Variants in C19orf18 observed in about 807,000 individuals in gnomAD.
C19orf18 encodes uncharacterized protein C19orf18.
A neutral mutation model predicts 23.3 loss-of-function variants in C19orf18; 21 were observed. The observed-to-expected ratio is 0.90, with a 90% CI of 0.64 to 1.30. The LOEUF is 1.30. Ranked by LOEUF, C19orf18 falls within the 50% of genes most tolerant of loss-of-function variation. The pLI is 0.00. For synonymous variants in C19orf18, 96 were observed against 95.2 expected, an observed-to-expected ratio of 1.01 and a Z score of -0.05; for missense variants, 249 against 259.6, an observed-to-expected ratio of 0.96 and a Z score of 0.28.
At chr19:57,966,381 T>A in intron 4 of C19orf18, 149 bp downstream of exon 4, 1 of 563,494 alleles carries the variant, frequency 1.8e-6, no homozygotes, top group South Asian at 2.5e-5. Context: ...ACAATCCACA[T>A]GTTGAAAAAC....
At chr19:57,964,367 C>T (rs918934473) in intron 4 of C19orf18, among the ~76,000 whole-genome samples, 2 of 152,208 alleles carry the variant, frequency 1.3e-5, no homozygotes, top group Non-Finnish European at 2.9e-5. Flanking sequence ...CTACAACTTC[C>T]ACCTCCAGGG....
In C19orf18 at chr19:57,966,553, C is replaced by T; in HGVS notation, c.348G>A (p.Gly116=). 1 of 1,610,320 alleles carries T rather than the reference C, an allele frequency of 6.2e-7. No homozygotes were observed. Residue 116 remains glycine, a synonymous_variant, in exon 4 of 6, where the codon GGG becomes GGA. Coordinates refer to ENST00000314391, the MANE Select transcript of C19orf18 (RefSeq NM_152474.5). ...ACTATATCATATAGGAGATTGCCAT[C>T]CCACATATCAGGGCAATGCTGAAGG... The part of the protein sequence containing the change: ...SVAFSIALIC[G]MAISYMIYRL...
At chr19:57,966,844 CA>C (rs1268464642) in intron 3 of C19orf18, among the ~76,000 whole-genome samples, 4 of 151,856 alleles carry the variant, frequency 2.6e-5, no homozygotes, top group Admixed American at 6.6e-5. Context: ...GATCACAGCT[CA>C]CCGCAACTTT....
At chr19:57,971,589 G>A (rs1441525480) in intron 3 of C19orf18, among the ~76,000 whole-genome samples, 1 of 152,146 alleles carries the variant, frequency 6.6e-6, no homozygotes, top group East Asian at 1.9e-4. Flanking sequence ...TCCCGCCTCA[G>A]CCTCCCAAAT....
chr19:57,958,615 A>G lies in C19orf18; in HGVS notation c.635T>C (p.Met212Thr). 6.2e-7 allele frequency: 1 copy of G among 1,602,864 alleles called. No homozygotes were observed. Among genetic ancestry groups the G allele is most frequent in the Non-Finnish European group, 8.5e-7 (1 of 1,173,992 alleles). The change falls in exon 6 of 6, where the codon ATG becomes ACG. Residue 212 changes from methionine to threonine, a missense_variant. Transcript: ENST00000314391. ...KTKNASHNGKMEDL is the reference protein window; with the variant it reads ...KTKNASHNGKTEDL ...TGTCGTCTGCGTTCACAAGTCTTCCATTTTTCCATTATGTGACGCATTCTT... is the reference window on the plus strand; with the variant it reads ...TGTCGTCTGCGTTCACAAGTCTTCCGTTTTTCCATTATGTGACGCATTCTT...
chr19:57,964,443 G>A (rs901992082), intron 4 of C19orf18, among the ~76,000 whole-genome samples: 4 of 152,022 alleles, frequency 2.6e-5, no homozygotes, highest in Non-Finnish European at 1.5e-5. Flanking sequence ...TACCACACCT[G>A]GCTAATTTTT....
Position 57,972,575 on chromosome 19 carries a change from G to A in C19orf18, c.227-71C>T, listed in dbSNP as rs891961542. On this transcript the variant is annotated intron_variant, in intron 2 of 5. Transcript: ENST00000314391. ...GTTTAAGATGAACTTGGGAAAACAA[G>A]GAAATAACTTAGCATTAGAGAAGGA... 4.5e-6 allele frequency: 7 copies of A among 1,545,912 alleles called. No homozygotes were observed. In the African/African-American group the frequency reaches 6.9e-5, roughly 15 times the overall value.
chr19:57,970,129 A>T (rs2072935172), intron 3 of C19orf18, among the ~76,000 whole-genome samples: 1 of 152,224 alleles, frequency 6.6e-6, no homozygotes, highest in African/African-American at 2.4e-5. Context: ...TGGAACTTTG[A>T]ACTACTCTGA....
At chr19:57,963,731 CA>C (rs920692006) in intron 4 of C19orf18, among the ~76,000 whole-genome samples, 9 of 150,482 alleles carry the variant, frequency 6.0e-5, no homozygotes, top group African/African-American at 1.9e-4. Context: ...AATAAAAATA[CA>C]AAAAAAAATT....
chr19:57,971,498 C>A (rs1463691608), intron 3 of C19orf18, among the ~76,000 whole-genome samples: 2 of 152,072 alleles, frequency 1.3e-5, no homozygotes, highest in South Asian at 2.1e-4. Context: ...AAAAAGACAG[C>A]CTCGCTCTGT....
intron 5 of C19orf18, 112 bp downstream of exon 5, chr19:57,961,279 G>T: frequency 1.0e-5 from 11 of 1,072,678 alleles, no homozygotes; most frequent in Non-Finnish European, 1.5e-5. Flanking sequence ...AGAAAGAAAG[G>T]AAAGAAAGAA....
intron 3 of C19orf18, among the ~76,000 whole-genome samples, chr19:57,971,634 C>T (rs1451760770): frequency 6.6e-6 from 1 of 152,124 alleles, no homozygotes; most frequent in Non-Finnish European, 1.5e-5. Context: ...CCACTCCTGG[C>T]TAATTTTTGT....
In C19orf18 at chr19:57,958,600, G is replaced by T; in HGVS notation, c.*2C>A. ...CTCAGCCGGCACCTCTGTCGTCTGC[G>T]TTCACAAGTCTTCCATTTTTCCATT... On this transcript the variant is annotated 3_prime_UTR_variant, in exon 6 of 6. Transcript: ENST00000314391. The T allele has an allele frequency of 6.3e-7, 1 of 1,585,094 alleles. No individual in the cohort carries two copies. Among genetic ancestry groups the T allele is most frequent in the Non-Finnish European group, 8.6e-7 (1 of 1,160,164 alleles).
intron 4 of C19orf18, among the ~76,000 whole-genome samples, chr19:57,963,108 C>T (rs999427700): frequency 7.3e-5 from 11 of 150,280 alleles, no homozygotes; most frequent in Non-Finnish European, 1.3e-4. Flanking sequence ...CTCACCACAA[C>T]CTCCACCTCC....
chr19:57,966,615 G>T lies in C19orf18; in HGVS notation c.286C>A (p.Pro96Thr). 1 of 1,611,446 alleles carries T rather than the reference G, an allele frequency of 6.2e-7. No homozygotes were observed. Among genetic ancestry groups the T allele is most frequent in the Non-Finnish European group, 8.5e-7 (1 of 1,177,982 alleles). ...LRNKAIIRHR[P>T]ALVKVILISS... ...ATTAAAATTACTTTAACAAGAGCAG[G>T]TCTATGCCGAATTATTGCTAAAAAG... is the stretch of plus-strand genomic sequence containing the variant. Residue 96 changes from proline (P) to threonine (T), a missense_variant, in exon 4 of 6, where the codon CCT (proline) becomes ACT (threonine). By Grantham distance (38) the Pro-to-Thr change is conservative (BLOSUM62 -1). Coordinates refer to ENST00000314391, the MANE Select transcript of C19orf18 (RefSeq NM_152474.5).
chr19:57,966,355 AT>A (rs2072908008), intron 4 of C19orf18, among the ~76,000 whole-genome samples, 174 bp downstream of exon 4: 1 of 151,960 alleles, frequency 6.6e-6, no homozygotes, highest in African/African-American at 2.4e-5. Flanking sequence ...CATGTGTATC[AT>A]GCCTCAACAT....
chr19:57,963,086 G>A (rs1368574055), intron 4 of C19orf18, among the ~76,000 whole-genome samples: 1 of 150,342 alleles, frequency 6.7e-6, no homozygotes, highest in Non-Finnish European at 1.5e-5. Context: ...GAGTGCAATG[G>A]CGCGATCTTG....
chr19:57,966,653 A>G (rs1451427553), intron 3 of C19orf18, 21 bp from the exon 4 acceptor site: 2 of 1,530,964 alleles, frequency 1.3e-6, no homozygotes, highest in Non-Finnish European at 1.8e-6. Context: ...AGAAAAGAAA[A>G]GAAGTGCTCA....
intron 3 of C19orf18, 109 bp downstream of exon 3, chr19:57,972,351 GCAC>G (rs2072950739): frequency 4.0e-6 from 5 of 1,256,642 alleles, no homozygotes; most frequent in Middle Eastern, 2.5e-4. Flanking sequence ...ACACATGAAG[GCAC>G]CACGTGTGCA....
Sources: allele counts gnomAD v4.1 joint callset (sites outside exome capture counted in the v4.1 genomes callset), GRCh38; gene constraint gnomAD v4.1.1; transcripts MANE v1.5; gene names NCBI Gene and HGNC (gene_info 2026-07-23, HGNC 2026-07-21).